Variants in SMARCA4 observed in about 807,000 individuals in gnomAD.
SMARCA4 encodes SWI/SNF related BAF chromatin remodeling complex subunit ATPase 4.
In SMARCA4, 31 loss-of-function variants were observed where a neutral mutation model predicts 193.9. That is an observed-to-expected ratio of 0.16 (90% CI 0.12 to 0.22). The LOEUF (loss-of-function observed/expected upper bound fraction) is 0.22. SMARCA4 is among the 10% of genes least tolerant of loss of function. The pLI is 1.00. For missense variants in SMARCA4, 1,148 were observed against 2,296.0 expected, an observed-to-expected ratio of 0.50 and a Z score of 10.22; for synonymous variants, 942 against 933.1, an observed-to-expected ratio of 1.01 and a Z score of -0.17.
intron 16 of SMARCA4, among the ~76,000 whole-genome samples, chr19:11,017,630 C>G (rs373087488): frequency 6.6e-6 from 1 of 152,260 alleles, no homozygotes; most frequent in African/African-American, 2.4e-5. Flanking sequence ...GACCCTTGCT[C>G]CTGGCTCTTC....
intron 30 of SMARCA4, among the ~76,000 whole-genome samples, chr19:11,054,590 C>A (rs1477628418): frequency 6.6e-6 from 1 of 152,130 alleles, no homozygotes; most frequent in Non-Finnish European, 1.5e-5. Flanking sequence ...GTCAGGAGTT[C>A]GAGACCAGCC....
chr19:10,996,438 G>A (rs546903052), intron 10 of SMARCA4, 56 bp from the exon 11 acceptor site: 37 of 1,613,412 alleles, frequency 2.3e-5, no homozygotes, highest in Non-Finnish European at 3.1e-5. Context: ...CCGTCTTCAC[G>A]TGTGTGGCCT....
intron 30 of SMARCA4, among the ~76,000 whole-genome samples, chr19:11,050,720 A>G (rs774880638): frequency 1.3e-5 from 2 of 152,244 alleles, no homozygotes; most frequent in Admixed American, 6.5e-5. Context: ...ACCTGCCTGA[A>G]ACATTCTGCA....
At chr19:11,022,015 G>A (rs531387642) in intron 19 of SMARCA4, 48 bp downstream of exon 19, 2 of 1,610,450 alleles carry the variant, frequency 1.2e-6, no homozygotes, top group African/African-American at 1.3e-5. Flanking sequence ...GGTGCGGCTG[G>A]CTTTGCTGGT....
rs765850087 is a variant in SMARCA4, at chr19:10,996,497, G to A, written c.1765G>A (p.Ala589Thr). Residue 589 changes from alanine to threonine, a missense_variant, in exon 11 of 35, where the codon GCA (alanine) becomes ACA (threonine). Ala to Thr is a moderately conservative substitution (Grantham distance 58). This residue lies in a region of SMARCA4 where 115 missense variants were observed against 175.1 expected (regional missense o/e 0.66). Coordinates refer to ENST00000344626, the MANE Select transcript of SMARCA4 (RefSeq NM_003072.5). ...EKKKKKKKKK[A>T]ENAEGQTPAI... ...CCGTGTCTCTCTCTATTTCCAGAAG[G>A]CAGAAAATGCAGAAGGACAGACGCC... The A allele has an allele frequency of 4.3e-6, 7 of 1,614,128 alleles. No individual in the cohort carries two copies. Among genetic ancestry groups the A allele is most frequent in the Non-Finnish European group, 5.9e-6 (7 of 1,180,038 alleles).
At chr19:11,022,088 G>A in intron 19 of SMARCA4, 121 bp downstream of exon 19, 4 of 1,454,490 alleles carry the variant, frequency 2.8e-6, no homozygotes, top group Non-Finnish European at 2.9e-6. Flanking sequence ...GTGAGAGTCT[G>A]CATCTGCATG....
intron 13 of SMARCA4, among the ~76,000 whole-genome samples, chr19:11,005,263 G>A (rs759685652): frequency 6.6e-6 from 1 of 152,194 alleles, no homozygotes; most frequent in African/African-American, 2.4e-5. Context: ...CTGGGGCTCA[G>A]TCTGTGAAAT....
rs1322190597 is a variant in SMARCA4 at position 10,986,416 on chromosome 19, C to T, written c.583C>T (p.Pro195Ser). The part of the protein sequence containing the change: ...MAYKMLARGQ[P>S]LPDHLQMAVQ... ...CTACAAGATGCTGGCCAGGGGGCAGCCCCTCCCCGACCACCTGCAGATGGC... is the reference window on the plus strand; with the variant it reads ...CTACAAGATGCTGGCCAGGGGGCAGTCCCTCCCCGACCACCTGCAGATGGC... Residue 195 changes from proline to serine, a missense_variant, in exon 4 of 35, where the codon CCC (proline) becomes TCC (serine). Transcript: ENST00000344626. The surrounding 1 kb of genome is among the most constrained non-coding windows in gnomAD (Gnocchi z 6.7). The T allele has an allele frequency of 6.3e-7, 1 of 1,580,720 alleles. No homozygotes were observed. Among genetic ancestry groups the T allele is most frequent in the Non-Finnish European group, 8.6e-7 (1 of 1,163,964 alleles).
Position 10,986,273 on chromosome 19 carries a change from C to T in SMARCA4, c.440C>T (p.Ser147Phe), listed in dbSNP as rs2145774051. 6.2e-7 allele frequency: 1 copy of T among 1,613,864 alleles called. No individual in the cohort carries two copies. Among genetic ancestry groups the T allele is most frequent in the Non-Finnish European group, 8.5e-7 (1 of 1,179,996 alleles). ...CCGTCTTCGGGGCCCCAGATGTCTT[C>T]CGGGCCAGGAGGTGCCCCGCTGGAT... Reference protein sequence around the residue: ...SGPSSGPQMSSGPGGAPLDGA... With the variant: ...SGPSSGPQMSFGPGGAPLDGA... Residue 147 changes from serine (S) to phenylalanine (F), a missense_variant, in exon 4 of 35, where the codon TCC (serine) becomes TTC (phenylalanine). Transcript: ENST00000344626. The surrounding 1 kb of genome is among the most constrained non-coding windows in gnomAD (Gnocchi z 6.7).
intron 1 of SMARCA4, among the ~76,000 whole-genome samples, chr19:10,972,848 C>A (rs943969891): frequency 6.6e-6 from 1 of 152,172 alleles, no homozygotes; most frequent in African/African-American, 2.4e-5. Flanking sequence ...CAGTGGCTCA[C>A]GCCTGTAATC....
rs745523341 is a variant in SMARCA4 at position 10,985,136 on chromosome 19, G to A, written c.223-137G>A. ...TGTCAGAACCTTGCCTTGGAGTCAT[G>A]CTGGGGACTGGGGAGATGCGCGTCA... is the stretch of plus-strand genomic sequence containing the variant. On this transcript the variant is annotated intron_variant, in intron 2 of 34. Coordinates refer to ENST00000344626, the MANE Select transcript of SMARCA4 (RefSeq NM_003072.5). The surrounding 1 kb of genome is among the most constrained non-coding windows in gnomAD (Gnocchi z 4.5). 1.4e-4 allele frequency: 121 copies of A among 862,862 alleles called. No homozygotes were observed. Among genetic ancestry groups the A allele is most frequent in the Non-Finnish European group, 2.2e-4 (113 of 524,610 alleles). 53.5% of individuals were successfully genotyped at this position (862,862 alleles called of 1,614,324 possible). A position where few individuals can be genotyped will look rare whatever the true frequency, so the allele number is the denominator to read the frequency against.
At chr19:11,005,542 C>T (rs2088116273) in intron 13 of SMARCA4, among the ~76,000 whole-genome samples, 1 of 152,186 alleles carries the variant, frequency 6.6e-6, no homozygotes, top group African/African-American at 2.4e-5. Flanking sequence ...TTGCTGAGTC[C>T]TTTGGCGTCT....
chr19:11,003,533 A>G, intron 13 of SMARCA4, 136 bp downstream of exon 13: 1 of 810,556 alleles, frequency 1.2e-6, no homozygotes, highest in African/African-American at 1.7e-5. Context: ...GCCTGCCCGA[A>G]GTCGGTGCTT....
Position 11,030,950 on chromosome 19 carries a change from C to T in SMARCA4, c.3546+57C>T, listed in dbSNP as rs754840818. 11 of 1,526,716 alleles carry T rather than the reference C, an allele frequency of 7.2e-6. No individual in the cohort carries two copies. The African/African-American group carries it at 1.1e-4, about 15-fold the overall frequency. 94.6% of individuals were successfully genotyped at this position (1,526,716 alleles called of 1,614,324 possible). ...AAGGAAGGGGGTGCCTGCAAAACCT[C>T]GAGGAGACGGCCCTGGCTTGAGGGT... is the stretch of plus-strand genomic sequence containing the variant. On this transcript the variant is annotated intron_variant, in intron 25 of 34. Coordinates refer to ENST00000344626, the MANE Select transcript of SMARCA4 (RefSeq NM_003072.5). This position sits in a 1 kb window ranked among gnomAD's most constrained non-coding sequence, Gnocchi z 5.5.
At chr19:11,037,371 A>G (rs1453631708) in intron 29 of SMARCA4, among the ~76,000 whole-genome samples, 1 of 152,140 alleles carries the variant, frequency 6.6e-6, no homozygotes, top group Admixed American at 6.5e-5. Context: ...ATGAAGTGCC[A>G]TCTGAGTGTG....
At position 10,965,970 on chromosome 19, in the gene SMARCA4, G is replaced by GTT. The variant is rs372236923; in HGVS notation, c.-32+4824_-32+4825dup. 8.5e-4 allele frequency among the ~76,000 whole-genome samples: 67 copies of GTT among 78,984 alleles called. 2 individuals carry two copies. The highest frequency in any genetic ancestry group is 1.1e-3 in the South Asian group (2 of 1,750). 51.8% of individuals were successfully genotyped at this position (78,984 alleles called of 152,430 possible). A position where few individuals can be genotyped will look rare whatever the true frequency, so the allele number is the denominator to read the frequency against. Reference sequence around the variant, plus strand: ...AAGGGAGAGTGTGTTTAGTGGCATGGTTTTTTTTTTTTTTTTTTTTTTTTT... The same window carrying GTT: ...AAGGGAGAGTGTGTTTAGTGGCATGGTTTTTTTTTTTTTTTTTTTTTTTTTTT... On this transcript the variant is annotated intron_variant, in intron 1 of 34. Transcript: ENST00000344626.
rs554069038 is a variant in SMARCA4, at chr19:10,987,499, G to A, written c.860-167G>A. On this transcript the variant is annotated intron_variant, in intron 5 of 34. Transcript: ENST00000344626. This position sits in a 1 kb window ranked among gnomAD's most constrained non-coding sequence, Gnocchi z 5.3. ...ACGAGGGTGAGGCTGAGATCTGGAGGAGGTTGGAGCCCAAGGCAGGTGTGA... is the reference window on the plus strand; with the variant it reads ...ACGAGGGTGAGGCTGAGATCTGGAGAAGGTTGGAGCCCAAGGCAGGTGTGA... 1.7e-4 allele frequency among the ~76,000 whole-genome samples: 26 copies of A among 152,312 alleles called. No individual in the cohort carries two copies. Among genetic ancestry groups the A allele is most frequent in the South Asian group, 4.1e-4 (2 of 4,820 alleles).
intron 23 of SMARCA4, among the ~76,000 whole-genome samples, chr19:11,026,947 A>T (rs2090310104): frequency 6.6e-6 from 1 of 151,642 alleles, no homozygotes; most frequent in African/African-American, 2.4e-5. Flanking sequence ...CTGAGCCTAA[A>T]CTCTGCTCAC....
At position 10,997,222 on chromosome 19, in the gene SMARCA4, G is replaced by A. The variant is rs151030867; in HGVS notation, c.1812+678G>A. On this transcript the variant is annotated intron_variant, in intron 11 of 34. Coordinates refer to ENST00000344626, the MANE Select transcript of SMARCA4 (RefSeq NM_003072.5). Reference sequence around the variant, plus strand: ...ATTTATTTATTTATTTATTTTAGACGGAGTCTCGTTCTGTCACACAGGCTG... The same window carrying A: ...ATTTATTTATTTATTTATTTTAGACAGAGTCTCGTTCTGTCACACAGGCTG... Among the ~76,000 whole-genome samples the A allele has an allele frequency of 1.5e-3, 232 of 151,414 alleles. 1 individual carries two copies. The highest frequency in any genetic ancestry group is 5.2e-3 in the African/African-American group (213 of 41,218).
Sources: allele counts gnomAD v4.1 joint callset (sites outside exome capture counted in the v4.1 genomes callset), GRCh38; gene constraint gnomAD v4.1.1; regional missense constraint gnomAD v4.1.1; non-coding constraint Gnocchi (gnomAD v3.1); transcripts MANE v1.5; gene names NCBI Gene and HGNC (gene_info 2026-07-23, HGNC 2026-07-21).